HNRNPM: variants seen among roughly 807,000 people sequenced by gnomAD.
The protein encoded by HNRNPM is heterogeneous nuclear ribonucleoprotein M, also known as CEA receptor.
Under a neutral mutation model 73.1 loss-of-function variants are expected in HNRNPM, and 11 were observed. The observed-to-expected ratio is 0.15, with a 90% CI of 0.09 to 0.25. The LOEUF (loss-of-function observed/expected upper bound fraction) is 0.25. Among genes scored for constraint, HNRNPM ranks in the 10% least tolerant of loss-of-function variants. HNRNPM has a pLI of 1.00. For synonymous variants in HNRNPM, 407 were observed against 355.2 expected (o/e 1.15, Z -1.64); for missense variants, 789 against 1,067.9 (o/e 0.74, Z 3.64).
chr19:8,455,896 A>T (rs1599760442), intron 2 of HNRNPM, among the ~76,000 whole-genome samples: 1 of 141,826 alleles, frequency 7.1e-6, no homozygotes, highest in Non-Finnish European at 1.6e-5. Flanking sequence ...TCGTGTTGAA[A>T]TTTTTTGAAT....
At chr19:8,484,943 A>G (rs928446786) in intron 13 of HNRNPM, among the ~76,000 whole-genome samples, 1 of 151,492 alleles carries the variant, frequency 6.6e-6, no homozygotes, top group Non-Finnish European at 1.5e-5. Context: ...TCTTCTTTCC[A>G]AAGCCAGCAA....
In HNRNPM at chr19:8,483,360, G is replaced by A; in HGVS notation, c.1174+149G>A. On this transcript the variant is annotated intron_variant, in intron 13 of 15. Transcript: ENST00000325495. ...CCTTTTTCTAGCTGTGTGACGTTTG[G>A]CAAGTCACTGAACCTCTCTGTTTCT... The A allele has an allele frequency of 8.9e-6, 6 of 677,390 alleles. No individual in the cohort carries two copies. The South Asian group carries it at 1.0e-4, about 11-fold the overall frequency. The allele number at this position is 677,390 out of a possible 1,614,324, so 42.0% of individuals were successfully genotyped here.
Position 8,485,906 on chromosome 19 carries a change from G to T in HNRNPM, c.1478G>T (p.Gly493Val). 6.2e-7 allele frequency: 1 copy of T among 1,605,118 alleles called. No individual in the cohort carries two copies. The change falls in exon 14 of 16, where the codon GGC becomes GTC. Residue 493 changes from glycine to valine, a missense_variant. Coordinates refer to ENST00000325495, the MANE Select transcript of HNRNPM (RefSeq NM_005968.5). ...CGCATGGGTGCCGGCATGGGCTTCG[G>T]CCTTGAGCGCATGGCCGCTCCCATC... ...VERMGAGMGF[G>V]LERMAAPIDR...
chr19:8,487,913 A>G (rs769590251), intron 15 of HNRNPM: 1 of 152,542 alleles, frequency 6.6e-6, no homozygotes, highest in African/African-American at 2.4e-5. Context: ...CACTTTTGCA[A>G]TGCCTGGAGC....
chr19:8,474,866 C>G (rs905240457), intron 12 of HNRNPM, among the ~76,000 whole-genome samples: 1 of 152,008 alleles, frequency 6.6e-6, no homozygotes, highest in African/African-American at 2.4e-5. Context: ...AGGTGTGTGC[C>G]ACCATGCCTG....
rs75883730 is a variant in HNRNPM, at chr19:8,482,906, G to A, written c.1121-252G>A. On this transcript the variant is annotated intron_variant, in intron 12 of 15. Transcript: ENST00000325495. The stretch of plus-strand genomic sequence containing the variant: ...CATATGACTCCTATCTCTGCTGGGC[G>A]CATTCGCAGGTGACCCCGCACGCTG... 3,186 of 454,744 alleles carry A rather than the reference G, an allele frequency of 7.0e-3. 169 individuals are homozygous for A. In the East Asian group the frequency reaches 0.11, roughly 16 times the overall value. 28.2% of individuals were successfully genotyped at this position (454,744 alleles called of 1,614,324 possible).
intron 14 of HNRNPM, among the ~76,000 whole-genome samples, chr19:8,486,625 C>A (rs191441569): frequency 9.8e-5 from 14 of 143,078 alleles, no homozygotes; most frequent in African/African-American, 3.0e-4. Flanking sequence ...ATGGAGCAGA[C>A]GCTGAGCTCA....
Position 8,471,318 on chromosome 19 carries a change from C to T in HNRNPM, c.896-8C>T, listed in dbSNP as rs779299864. 11 of 1,537,528 alleles carry T rather than the reference C, an allele frequency of 7.2e-6. No homozygotes were observed. Among genetic ancestry groups the T allele is most frequent in the Non-Finnish European group, 8.8e-6 (10 of 1,136,188 alleles). On this transcript the variant is annotated splice_region_variant and splice_polypyrimidine_tract_variant and intron_variant, in intron 9 of 15. Coordinates refer to ENST00000325495, the MANE Select transcript of HNRNPM (RefSeq NM_005968.5). ...GGAAAACTAAGCTTCTTTCTCTTTTCTTTCCAGATGGCCTTGGTGGTATTG... is the reference window on the plus strand; with the variant it reads ...GGAAAACTAAGCTTCTTTCTCTTTTTTTTCCAGATGGCCTTGGTGGTATTG...
intron 1 of HNRNPM, among the ~76,000 whole-genome samples, chr19:8,450,491 A>T (rs11259983): frequency 6.6e-6 from 1 of 151,388 alleles, no homozygotes; most frequent in Non-Finnish European, 1.5e-5. Context: ...ACTCACTGCA[A>T]CTCCAGCTCC....
intron 1 of HNRNPM, among the ~76,000 whole-genome samples, chr19:8,447,529 G>C (rs2145599460): frequency 6.6e-6 from 1 of 152,220 alleles, no homozygotes; most frequent in South Asian, 2.1e-4. Flanking sequence ...GAAGAAGATG[G>C]TTGGGGAGGG....
intron 5 of HNRNPM, among the ~76,000 whole-genome samples, chr19:8,464,224 A>G (rs1437170352): frequency 7.1e-6 from 1 of 140,146 alleles, no homozygotes; most frequent in Non-Finnish European, 1.5e-5. Flanking sequence ...CAGCCCGGGC[A>G]ACAGTGAGAC....
At chr19:8,463,160 G>C (rs1969505115) in intron 3 of HNRNPM, among the ~76,000 whole-genome samples, 1 of 152,154 alleles carries the variant, frequency 6.6e-6, no homozygotes, top group Admixed American at 6.5e-5. Flanking sequence ...GGAGGAATAT[G>C]GTAAGGACTC....
At chr19:8,479,050 G>GCAATTTC (rs1970708161) in intron 12 of HNRNPM, among the ~76,000 whole-genome samples, 1 of 144,734 alleles carries the variant, frequency 6.9e-6, no homozygotes, top group Non-Finnish European at 1.5e-5. Flanking sequence ...AGGTGGCAGA[G>GCAATTTC]CAATTTCCTC....
In HNRNPM at chr19:8,486,209, CT is replaced by C; in HGVS notation, c.1782del (p.Ala595ProfsTer63). Reference sequence around the variant, plus strand: ...GCCAACAGCCTCGAGCGCATGGGCCCTGCCATGGGCCCGGCCCTGGGCGCTG... The same window carrying C: ...GCCAACAGCCTCGAGCGCATGGGCCCGCCATGGGCCCGGCCCTGGGCGCTG... ...MGANSLERMG[P>X]AMGPALGAGI... On this transcript the variant is annotated frameshift_variant, in exon 14 of 16. Transcript: ENST00000325495. LOFTEE classifies it high-confidence loss of function. 2 of 1,579,234 alleles carry C rather than the reference CT, an allele frequency of 1.3e-6. No homozygotes were observed. The highest frequency in any genetic ancestry group is 8.6e-7 in the Non-Finnish European group (1 of 1,160,966).
At chr19:8,473,785 T>G in intron 11 of HNRNPM, 77 bp downstream of exon 11, 1 of 924,136 alleles carries the variant, frequency 1.1e-6, no homozygotes, top group Non-Finnish European at 1.7e-6. Flanking sequence ...TCTTTCTTGT[T>G]TAAACCCTGC....
chr19:8,463,480 T>C lies in HNRNPM; in HGVS notation c.337-17T>C. 6.2e-7 allele frequency: 1 copy of C among 1,613,962 alleles called. No homozygotes were observed. The highest frequency in any genetic ancestry group is 8.5e-7 in the Non-Finnish European group (1 of 1,179,784). ...CCCTTCCTTGCTCTTCTGACTGGTC[T>C]CTGGCTTCCTCCAAAGGGATGTGCG... On this transcript the variant is annotated splice_polypyrimidine_tract_variant and intron_variant, in intron 3 of 15. Coordinates refer to ENST00000325495, the MANE Select transcript of HNRNPM (RefSeq NM_005968.5).
At chr19:8,473,566 T>C in intron 10 of HNRNPM, 98 bp from the exon 11 acceptor site, 1 of 762,958 alleles carries the variant, frequency 1.3e-6, no homozygotes, top group Non-Finnish European at 2.3e-6. Flanking sequence ...GGATTTTCTT[T>C]TGAGTTCTTT....
At position 8,485,795 on chromosome 19, in the gene HNRNPM, G is replaced by T. The variant is rs775040597; in HGVS notation, c.1367G>T (p.Arg456Leu). 2.5e-6 allele frequency: 4 copies of T among 1,603,316 alleles called. No individual in the cohort carries two copies. The highest frequency in any genetic ancestry group is 1.3e-5 in the African/African-American group (1 of 74,626). Residue 456 changes from arginine to leucine, a missense_variant, in exon 14 of 16, where the codon CGC (arginine) becomes CTC (leucine). This residue lies in a region of HNRNPM where 604 missense variants were observed against 744.0 expected (regional missense o/e 0.81). Transcript: ENST00000325495. The stretch of plus-strand genomic sequence containing the variant: ...GAGCGCATGGGCTCCGGCATTGAGC[G>T]CATGGGCCCGCTGGGCCTCGACCAC... ...SVERMGSGIERMGPLGLDHMA... is the reference protein window; with the variant it reads ...SVERMGSGIELMGPLGLDHMA...
At chr19:8,482,879 T>C (rs1021935623) in intron 12 of HNRNPM, 3 of 344,780 alleles carry the variant, frequency 8.7e-6, no homozygotes, top group Non-Finnish European at 1.6e-5. Context: ...AGTTCATGAA[T>C]GCATATGACT....
Sources: allele counts gnomAD v4.1 joint callset (sites outside exome capture counted in the v4.1 genomes callset), GRCh38; gene constraint gnomAD v4.1.1; regional missense constraint gnomAD v4.1.1; transcripts MANE v1.5; gene names NCBI Gene and HGNC (gene_info 2026-07-23, HGNC 2026-07-21).